Variants in ATP2A2 observed in about 807,000 individuals in gnomAD.
ATP2A2 encodes sarcoplasmic/endoplasmic reticulum calcium ATPase 2.
In ATP2A2, 14 loss-of-function variants were observed where a neutral mutation model predicts 109.3. The observed-to-expected ratio is 0.13, with a 90% CI of 0.08 to 0.20. The LOEUF (loss-of-function observed/expected upper bound fraction) is 0.20. ATP2A2 is among the 10% of genes least tolerant of loss of function. The pLI is 1.00. For synonymous variants in ATP2A2, 506 were observed against 490.9 expected, an observed-to-expected ratio of 1.03 and a Z score of -0.41; for missense variants, 657 against 1,321.6, an observed-to-expected ratio of 0.50 and a Z score of 7.80.
intron 11 of ATP2A2, among the ~76,000 whole-genome samples, chr12:110,338,700 G>C: frequency 6.6e-6 from 1 of 152,082 alleles, no homozygotes; most frequent in East Asian, 1.9e-4. Flanking sequence ...CACTGCACCC[G>C]ACCACCTTCA....
At chr12:110,311,320 C>T (rs1269863284) in intron 5 of ATP2A2, among the ~76,000 whole-genome samples, 1 of 152,076 alleles carries the variant, frequency 6.6e-6, no homozygotes, top group Admixed American at 6.6e-5. Flanking sequence ...AGTGATCCTC[C>T]TGCCTTAGCC....
chr12:110,311,595 CAAAAAAAAAA>C (rs67023919), intron 5 of ATP2A2, among the ~76,000 whole-genome samples: 92 of 25,222 alleles, frequency 3.6e-3, no homozygotes, highest in Non-Finnish European at 5.3e-3. Context: ...GACTCCATCT[CAAAAAAAAAA>C]AAAAAAAAAA....
rs771179761 is a variant in ATP2A2 at position 110,339,754 on chromosome 12, C to G, written c.1761+33C>G. 6.3e-7 allele frequency: 1 copy of G among 1,596,800 alleles called. No homozygotes were observed. Among genetic ancestry groups the G allele is most frequent in the South Asian group, 1.1e-5 (1 of 90,594 alleles). The stretch of plus-strand genomic sequence containing the variant: ...AATGAAAAGTTTCTTTGTCCACACC[C>G]TGCACGATTCATTGTGTTTAAACAG... On this transcript the variant is annotated intron_variant, in intron 13 of 19. Transcript: ENST00000539276. The surrounding 1 kb of genome is among the most constrained non-coding windows in gnomAD (Gnocchi z 4.4).
chr12:110,345,794 A>G (rs1025609303), intron 18 of ATP2A2: 11 of 655,444 alleles, frequency 1.7e-5, no homozygotes, highest in South Asian at 3.4e-5. Context: ...GGGGTCTGCT[A>G]TGCCAAAACA....
At chr12:110,330,005 T>G (rs904481067) in intron 8 of ATP2A2, 2 of 152,224 alleles carry the variant, frequency 1.3e-5, no homozygotes, top group African/African-American at 4.8e-5. Flanking sequence ...TAGGGATTGC[T>G]AGGTTAGATT....
At chr12:110,324,787 C>T (rs1184035373) in intron 6 of ATP2A2, among the ~76,000 whole-genome samples, 1 of 151,100 alleles carries the variant, frequency 6.6e-6, no homozygotes, top group Non-Finnish European at 1.5e-5. Context: ...CACTTGTGGC[C>T]AAGAGTTTGA....
Position 110,332,676 on chromosome 12 carries a change from T to A in ATP2A2, c.1175T>A (p.Ile392Asn). The change falls in exon 9 of 20, where the codon ATT (isoleucine) becomes AAT (asparagine). Residue 392 changes from isoleucine (I) to asparagine (N), a missense_variant. By Grantham distance (149) the Ile-to-Asn change is moderately radical. Around this residue, in one of 9 missense-constraint regions of ATP2A2, gnomAD observed 46 missense variants for 62.0 expected, o/e 0.74. Transcript: ENST00000539276. The part of the protein sequence containing the change: ...FTITGSTYAP[I>N]GEVHKDDKPV... ...ATAACTGGATCAACTTATGCACCTA[T>A]TGGAGAAGTGTGAGTAACCCTCCTC... is the stretch of plus-strand genomic sequence containing the variant. 1 of 1,610,748 alleles carries A rather than the reference T, an allele frequency of 6.2e-7. No individual in the cohort carries two copies. The highest frequency in any genetic ancestry group is 8.5e-7 in the Non-Finnish European group (1 of 1,176,882).
intron 7 of ATP2A2, among the ~76,000 whole-genome samples, chr12:110,326,876 G>A (rs1877857302): frequency 6.6e-6 from 1 of 152,136 alleles, no homozygotes; most frequent in Non-Finnish European, 1.5e-5. Context: ...CATTAATAAT[G>A]GTGAGTCTAG....
rs1592870315 is a variant in ATP2A2, at chr12:110,346,757, C to T, written c.*287C>T. On this transcript the variant is annotated 3_prime_UTR_variant, in exon 20 of 20. Transcript: ENST00000539276. ...GTACAGTGTTCTGTTTAATACTCAT[C>T]CTTGTATAAAAAAAATAGTTGAGCC... 17 of 1,213,376 alleles carry T rather than the reference C, an allele frequency of 1.4e-5. No individual in the cohort carries two copies. In the South Asian group the frequency reaches 2.7e-4, roughly 19 times the overall value. The allele number at this position is 1,213,376 out of a possible 1,614,324, so 75.2% of individuals were successfully genotyped here. A position where few individuals can be genotyped will look rare whatever the true frequency, so the allele number is the denominator to read the frequency against.
chr12:110,294,793 C>G (rs550673773), intron 4 of ATP2A2, among the ~76,000 whole-genome samples: 1 of 151,978 alleles, frequency 6.6e-6, no homozygotes, highest in African/African-American at 2.4e-5. Flanking sequence ...GGGGCATAGT[C>G]TTTTATTTCT....
chr12:110,346,913 C>CTAAT lies in ATP2A2; in HGVS notation c.*445_*448dup, dbSNP rs1300100734. ...TCCGGATTTAATTTGATATCACAGTCTAATTTTTATTCATAAGCCAATTTT... is the reference window on the plus strand; with the variant it reads ...TCCGGATTTAATTTGATATCACAGTCTAATTAATTTTTATTCATAAGCCAATTTT... On this transcript the variant is annotated 3_prime_UTR_variant, in exon 20 of 20. Transcript: ENST00000539276. The CTAAT allele has an allele frequency of 1.7e-5, 19 of 1,088,438 alleles. No individual in the cohort carries two copies. The South Asian group carries it at 3.3e-4, about 19-fold the overall frequency. The allele number at this position is 1,088,438 out of a possible 1,614,324, so 67.4% of individuals were successfully genotyped here.
intron 5 of ATP2A2, among the ~76,000 whole-genome samples, chr12:110,308,844 A>G (rs1440763604): frequency 6.6e-6 from 1 of 152,202 alleles, no homozygotes; most frequent in Non-Finnish European, 1.5e-5. Context: ...TTTCATTTAC[A>G]TTATGAAATT....
intron 5 of ATP2A2, among the ~76,000 whole-genome samples, chr12:110,321,346 GATTTGATTTTAAAATGCC>G (rs1243504013): frequency 6.6e-6 from 1 of 152,212 alleles, no homozygotes; most frequent in African/African-American, 2.4e-5. Flanking sequence ...TCTGAAAAAT[GATTTGATTTTAAAATGCC>G]ATCTGCAAGT....
chr12:110,335,314 G>A (rs543950467), intron 11 of ATP2A2, among the ~76,000 whole-genome samples: 46 of 152,300 alleles, frequency 3.0e-4, no homozygotes, highest in African/African-American at 1.1e-3. Flanking sequence ...TGAGTCTCTA[G>A]CACCTGGGTC....
chr12:110,339,235 T>C lies in ATP2A2; in HGVS notation c.1420-46T>C. On this transcript the variant is annotated intron_variant, in intron 11 of 19. Coordinates refer to ENST00000539276, the MANE Select transcript of ATP2A2 (RefSeq NM_170665.4). The surrounding 1 kb of genome is among the most constrained non-coding windows in gnomAD (Gnocchi z 4.4). ...GCTTACTGCTTGTTAGGTAAAAAAG[T>C]TCAGAAATTGCCACCCAGTAGTATC... 1 of 1,612,298 alleles carries C rather than the reference T, an allele frequency of 6.2e-7. No individual in the cohort carries two copies. Among genetic ancestry groups the C allele is most frequent in the African/African-American group, 1.3e-5 (1 of 75,028 alleles).
intron 5 of ATP2A2, among the ~76,000 whole-genome samples, chr12:110,320,583 A>G (rs533003362): frequency 3.3e-5 from 5 of 152,366 alleles, no homozygotes; most frequent in Admixed American, 6.5e-5. Flanking sequence ...AGTTTAGAAT[A>G]TAGTTACTTT....
At chr12:110,322,030 G>T (rs887768104) in intron 5 of ATP2A2, among the ~76,000 whole-genome samples, 1 of 151,630 alleles carries the variant, frequency 6.6e-6, no homozygotes, top group South Asian at 2.1e-4. Context: ...TCGCTCTGCC[G>T]CCCAGGCTGG....
rs573896061 is a variant in ATP2A2 at position 110,310,762 on chromosome 12, G to A, written c.464-12230G>A. 3.3e-5 allele frequency among the ~76,000 whole-genome samples: 5 copies of A among 152,218 alleles called. No individual in the cohort carries two copies. In the East Asian group the frequency reaches 9.6e-4, roughly 29 times the overall value. On this transcript the variant is annotated intron_variant, in intron 5 of 19. Coordinates refer to ENST00000539276, the MANE Select transcript of ATP2A2 (RefSeq NM_170665.4). ...GTGCCAGCAATTTCAAGATTTACTC[G>A]GGAATAAAAAGAATAATTCTTAAAC... is the stretch of plus-strand genomic sequence containing the variant.
chr12:110,295,224 A>G (rs1379883322), intron 4 of ATP2A2, among the ~76,000 whole-genome samples: 1 of 152,066 alleles, frequency 6.6e-6, no homozygotes, highest in East Asian at 1.9e-4. Flanking sequence ...GTGCAGTGTC[A>G]TAATCACAGC....
Sources: allele counts gnomAD v4.1 joint callset (sites outside exome capture counted in the v4.1 genomes callset), GRCh38; gene constraint gnomAD v4.1.1; regional missense constraint gnomAD v4.1.1; non-coding constraint Gnocchi (gnomAD v3.1); transcripts MANE v1.5; gene names NCBI Gene and HGNC (gene_info 2026-07-23, HGNC 2026-07-21).